The following RIC3 variants were observed in gnomAD, a reference collection of about 807,000 sequenced individuals.
The protein encoded by RIC3 is RIC3 acetylcholine receptor chaperone.
RIC3 carries 28 observed loss-of-function variants against 27.3 expected under a neutral mutation model. The observed-to-expected ratio is 1.02, with a 90% CI of 0.76 to 1.41. The LOEUF (loss-of-function observed/expected upper bound fraction) is 1.41, where lower values mean the gene tolerates loss of function less well. Among genes scored for constraint, RIC3 ranks in the 40% most tolerant of loss-of-function variants. The probability of loss-of-function intolerance (pLI) is 0.00; values close to 1 mark genes in which losing one functional copy is unlikely to be tolerated. For missense variants in RIC3, 501 were observed against 444.7 expected (o/e 1.13, Z -1.14); for synonymous variants, 184 against 160.4 (o/e 1.15, Z -1.11).
chr11:8,154,263 C>A (rs993654593), intron 1 of RIC3, among the ~76,000 whole-genome samples: 2 of 152,164 alleles, frequency 1.3e-5, no homozygotes, highest in African/African-American at 4.8e-5. Flanking sequence ...GATTTTGGTG[C>A]TTATTATCAG....
At chr11:8,101,786 T>C, downstream of RIC3, 1 of 1,193,474 alleles carries the variant, frequency 8.4e-7, no homozygotes, top group Non-Finnish European at 1.1e-6. Context: ...CCTTTGCCTC[T>C]GCTACTGAGG....
chr11:8,119,912 C>T (rs1946260595), intron 5 of RIC3, among the ~76,000 whole-genome samples: 1 of 152,174 alleles, frequency 6.6e-6, no homozygotes, highest in African/African-American at 2.4e-5. Flanking sequence ...CAAAAGAAGA[C>T]ATGTATGCAG....
chr11:8,100,230 G>C, the RIC3 span, among the ~76,000 whole-genome samples: 2 of 152,184 alleles, frequency 1.3e-5, no homozygotes, highest in Non-Finnish European at 1.5e-5. Context: ...ATGTAGAAGA[G>C]AGGACTCGAG....
At chr11:8,104,234 T>C (rs535385898), downstream of RIC3, 6 of 152,358 alleles carry the variant, frequency 3.9e-5, 1 homozygote, top group Middle Eastern at 3.4e-3. Flanking sequence ...GAATGAGCAG[T>C]CCCTAATGGT....
At chr11:8,161,187 T>C (rs570341870) in intron 1 of RIC3, among the ~76,000 whole-genome samples, 11 of 152,218 alleles carry the variant, frequency 7.2e-5, no homozygotes, top group East Asian at 1.9e-4. Context: ...ACGGTGAACA[T>C]AGAGTAGCTA....
At chr11:8,100,435 G>A in the RIC3 span, 112 of 1,252,714 alleles carry the variant, frequency 8.9e-5, no homozygotes, top group Non-Finnish European at 1.1e-4. Flanking sequence ...CTTTATTCCC[G>A]TCCCCCCCAC....
intron 1 of RIC3, among the ~76,000 whole-genome samples, chr11:8,145,193 AAAAAAAATT>A (rs889818702): frequency 9.2e-6 from 1 of 108,230 alleles, no homozygotes; most frequent in Non-Finnish European, 1.7e-5. Context: ...AAAAAAATTA[AAAAAAAATT>A]AAAAAAAAAA....
intron 5 of RIC3, among the ~76,000 whole-genome samples, chr11:8,120,706 A>G (rs1946342453): frequency 6.6e-6 from 1 of 151,892 alleles, no homozygotes; most frequent in South Asian, 2.1e-4. Flanking sequence ...CCCCAAATAT[A>G]ATTTAAAAAA....
At chr11:8,165,700 A>T (rs1175915516) in intron 1 of RIC3, among the ~76,000 whole-genome samples, 1 of 144,384 alleles carries the variant, frequency 6.9e-6, no homozygotes, top group African/African-American at 2.6e-5. Context: ...TTAGATCTCA[A>T]GAAAGCTGTT....
rs1949347719 is a variant in RIC3 at position 8,143,839 on chromosome 11, C to G, written c.125-3646G>C. Among the ~76,000 whole-genome samples the G allele has an allele frequency of 2.0e-5, 3 of 152,116 alleles. No individual in the cohort carries two copies. The South Asian group carries it at 6.2e-4, about 32-fold the overall frequency. ...CTGGTACCAAAACAGAGATATAGAT[C>G]AATGGAACAGAACAGAGCCCTCAGA... On this transcript the variant is annotated intron_variant, in intron 1 of 5. Transcript: ENST00000309737.
intron 5 of RIC3, among the ~76,000 whole-genome samples, chr11:8,118,864 C>G (rs572285037): frequency 6.3e-4 from 82 of 129,254 alleles, no homozygotes; most frequent in African/African-American, 1.9e-3. Flanking sequence ...GAGTGAGACT[C>G]CATCTCAAAA....
chr11:8,126,919 A>G (rs2133631822), intron 4 of RIC3, 112 bp from the exon 5 acceptor site: 3 of 1,237,722 alleles, frequency 2.4e-6, no homozygotes, highest in East Asian at 2.4e-5. Context: ...ATTGCAGCAG[A>G]TAATTATTCT....
rs138466391 is a variant in RIC3, at chr11:8,126,898, T to C, written c.522-91A>G. 189 of 1,471,628 alleles carry C rather than the reference T, an allele frequency of 1.3e-4. No individual in the cohort carries two copies. The East Asian group carries it at 3.9e-3, about 30-fold the overall frequency. The allele number at this position is 1,471,628 out of a possible 1,614,324, so 91.2% of individuals were successfully genotyped here. ...ACTATGGTCTGTCTGGGTACTGGAA[T>C]AGAAAGTGCAATTGCAGCAGATAAT... On this transcript the variant is annotated intron_variant, in intron 4 of 5. Coordinates refer to ENST00000309737, the MANE Select transcript of RIC3 (RefSeq NM_001206671.4).
chr11:8,138,505 C>G (rs943821648), intron 2 of RIC3, 158 bp from the exon 3 acceptor site: 1 of 511,016 alleles, frequency 2.0e-6, no homozygotes, highest in African/African-American at 2.0e-5. Flanking sequence ...AAAAAAAACG[C>G]CAAAAGATGA....
chr11:8,134,876 T>C (rs1948187978), intron 4 of RIC3, among the ~76,000 whole-genome samples: 1 of 152,234 alleles, frequency 6.6e-6, no homozygotes. Flanking sequence ...GAGTTCATCG[T>C]AGATTCCGGA....
At chr11:8,093,951 C>CA in the RIC3 span, 10 of 1,516,122 alleles carry the variant, frequency 6.6e-6, no homozygotes, top group Non-Finnish European at 9.1e-6. Context: ...GGGGTGCAGT[C>CA]AAAAATGCTG....
intron 4 of RIC3, among the ~76,000 whole-genome samples, chr11:8,134,821 T>C (rs1418279675): frequency 6.6e-6 from 1 of 152,204 alleles, no homozygotes; most frequent in East Asian, 1.9e-4. Context: ...TTTATATCCT[T>C]TGCCCGCTTG....
chr11:8,115,210 T>A (rs1945710507), intron 5 of RIC3, among the ~76,000 whole-genome samples: 1 of 151,180 alleles, frequency 6.6e-6, no homozygotes, highest in Non-Finnish European at 1.5e-5. Context: ...AAAAAGTACA[T>A]CACATTATAA....
At chr11:8,099,063 C>T in the RIC3 span, among the ~76,000 whole-genome samples, 2 of 152,054 alleles carry the variant, frequency 1.3e-5, no homozygotes, top group South Asian at 2.1e-4. Flanking sequence ...CTTCAGAGCT[C>T]ACACCACAGC....
Sources: gnomAD v4.1 joint callset for allele counts (sites outside exome capture counted in the v4.1 genomes callset) on GRCh38, gnomAD v4.1.1 for gene constraint, MANE v1.5 for transcripts, NCBI Gene and HGNC (gene_info 2026-07-23, HGNC 2026-07-21) for gene names.